Variants in CWC27 observed in about 807,000 individuals in gnomAD.
CWC27 encodes spliceosome-associated protein CWC27 homolog.
In CWC27, 47 loss-of-function variants were observed where a neutral mutation model predicts 63.6. The observed-to-expected ratio is 0.74, with a 90% CI of 0.58 to 0.94. The LOEUF (loss-of-function observed/expected upper bound fraction) is 0.94. Ranked by LOEUF, CWC27 falls within the 40% of genes least tolerant of loss-of-function variation. The probability of loss-of-function intolerance (pLI) is 0.00; values close to 1 mark genes in which losing one functional copy is unlikely to be tolerated. For missense variants in CWC27, 495 were observed against 554.3 expected (o/e 0.89, Z 1.07); for synonymous variants, 175 against 179.8 (o/e 0.97, Z 0.22).
intron 11 of CWC27, among the ~76,000 whole-genome samples, chr5:64,886,260 A>C (rs2112344882): frequency 6.6e-6 from 1 of 152,266 alleles, no homozygotes; most frequent in Middle Eastern, 3.4e-3. Flanking sequence ...GCTATAAAGC[A>C]TGTAATGTTC....
At chr5:64,867,949 CTGTTGT>C (rs879893810) in intron 10 of CWC27, among the ~76,000 whole-genome samples, 8 of 146,152 alleles carry the variant, frequency 5.5e-5, no homozygotes, top group African/African-American at 1.8e-4. Context: ...GGGGGGGGGG[CTGTTGT>C]TGTTGTTGTT....
intron 7 of CWC27, among the ~76,000 whole-genome samples, chr5:64,799,375 C>T (rs1476845173): frequency 6.6e-6 from 1 of 151,992 alleles, no homozygotes; most frequent in Non-Finnish European, 1.5e-5. Context: ...ATCATGAGGT[C>T]AGGAGATCAA....
At chr5:64,825,042 C>G (rs1314037409) in intron 10 of CWC27, among the ~76,000 whole-genome samples, 1 of 152,048 alleles carries the variant, frequency 6.6e-6, no homozygotes, top group Non-Finnish European at 1.5e-5. Flanking sequence ...AGTAAGTGTT[C>G]TTTTCTAATT....
At chr5:64,941,057 G>T (rs1165948755) in intron 11 of CWC27, among the ~76,000 whole-genome samples, 2 of 151,782 alleles carry the variant, frequency 1.3e-5, no homozygotes, top group Non-Finnish European at 2.9e-5. Flanking sequence ...TGTTGGCCAG[G>T]CTGGTCTTGA....
intron 10 of CWC27, among the ~76,000 whole-genome samples, chr5:64,814,464 G>A (rs528996233): frequency 6.6e-6 from 1 of 152,172 alleles, no homozygotes; most frequent in South Asian, 2.1e-4. Context: ...ATTCTACCTT[G>A]GGGTCAGACA....
At position 64,768,997 on chromosome 5, in the gene CWC27, T is replaced by G; in HGVS notation, c.-150T>G. The G allele has an allele frequency of 1.5e-6, 1 of 666,114 alleles. No individual in the cohort carries two copies. Among genetic ancestry groups the G allele is most frequent in the East Asian group, 2.7e-5 (1 of 37,402 alleles). The allele number at this position is 666,114 out of a possible 1,614,324, so 41.3% of individuals were successfully genotyped here. A position where few individuals can be genotyped will look rare whatever the true frequency, so the allele number is the denominator to read the frequency against. On this transcript the variant is annotated 5_prime_UTR_variant, in exon 1 of 14. Coordinates refer to ENST00000381070, the MANE Select transcript of CWC27 (RefSeq NM_005869.4). ...GGGCTCCTTTGGGCAGGGGTAGTGTTTGGTGTCCCTGTCTTGCGTGATATT... is the reference window on the plus strand; with the variant it reads ...GGGCTCCTTTGGGCAGGGGTAGTGTGTGGTGTCCCTGTCTTGCGTGATATT...
intron 10 of CWC27, among the ~76,000 whole-genome samples, chr5:64,874,501 C>T (rs528533828): frequency 5.3e-5 from 8 of 152,056 alleles, no homozygotes; most frequent in Middle Eastern, 3.4e-3. Flanking sequence ...CAGTCTTGCC[C>T]TGTCACCCAG....
chr5:64,954,630 T>G (rs1326437512), intron 11 of CWC27, among the ~76,000 whole-genome samples: 2 of 131,160 alleles, frequency 1.5e-5, no homozygotes, highest in Non-Finnish European at 3.0e-5. Context: ...CTTAGCAGGC[T>G]GCCTGGCATA....
chr5:64,826,184 A>T (rs1745354535), intron 10 of CWC27, among the ~76,000 whole-genome samples: 1 of 151,952 alleles, frequency 6.6e-6, no homozygotes. Context: ...GGACTGACAA[A>T]ATTGTGTTCT....
rs114694962 is a variant in CWC27, at chr5:64,891,221, A to T, written c.1042+5675A>T. On this transcript the variant is annotated intron_variant, in intron 11 of 13. Transcript: ENST00000381070. ...GGCAATGATTCCAACCTAATTAGTTAAAAAAATTAATCATTTTAATCAATT... is the reference window on the plus strand; with the variant it reads ...GGCAATGATTCCAACCTAATTAGTTTAAAAAATTAATCATTTTAATCAATT... Among the ~76,000 whole-genome samples, 1,290 of 152,232 alleles carry T rather than the reference A, an allele frequency of 8.5e-3. 19 individuals carry two copies. The highest frequency in any genetic ancestry group is 0.031 in the Middle Eastern group (9 of 294).
At chr5:65,013,277 T>C (rs1020931434) in intron 13 of CWC27, among the ~76,000 whole-genome samples, 2 of 152,160 alleles carry the variant, frequency 1.3e-5, no homozygotes, top group African/African-American at 4.8e-5. Context: ...CAGAATCTGG[T>C]AGATGTTTTA....
At chr5:64,814,132 G>A (rs1458379577) in intron 10 of CWC27, among the ~76,000 whole-genome samples, 1 of 149,758 alleles carries the variant, frequency 6.7e-6, no homozygotes, top group Non-Finnish European at 1.5e-5. Context: ...TATTTTATGT[G>A]TGCCCCAAGA....
At chr5:64,932,369 T>A (rs76998532) in intron 11 of CWC27, among the ~76,000 whole-genome samples, 1 of 152,090 alleles carries the variant, frequency 6.6e-6, no homozygotes, top group Non-Finnish European at 1.5e-5. Context: ...TTTTTTTTTT[T>A]AATTCTTAAC....
chr5:64,859,394 A>G (rs1338787711), intron 10 of CWC27, among the ~76,000 whole-genome samples: 1 of 152,174 alleles, frequency 6.6e-6, no homozygotes, highest in African/African-American at 2.4e-5. Flanking sequence ...GTTGAACTAT[A>G]TACACTCGAG....
chr5:64,993,264 G>A (rs1056945096), intron 13 of CWC27, among the ~76,000 whole-genome samples: 1 of 152,100 alleles, frequency 6.6e-6, no homozygotes, highest in Admixed American at 6.5e-5. Flanking sequence ...TACTCAAGCA[G>A]CACAAACTAA....
chr5:64,885,594 T>A, intron 11 of CWC27, 48 bp downstream of exon 11: 1 of 1,383,780 alleles, frequency 7.2e-7, no homozygotes. Flanking sequence ...CTCCTCCTTC[T>A]CTGTTTTCTT....
chr5:65,001,349 A>T (rs1749728794), intron 13 of CWC27, among the ~76,000 whole-genome samples: 1 of 152,136 alleles, frequency 6.6e-6, no homozygotes, highest in African/African-American at 2.4e-5. Flanking sequence ...GACTTCCAGT[A>T]CCATGTTGAA....
At position 64,782,447 on chromosome 5, in the gene CWC27, CAAATAAAT is replaced by C. The variant is rs67366377; in HGVS notation, c.252+443_252+450del. 5.4e-3 allele frequency among the ~76,000 whole-genome samples: 749 copies of C among 139,832 alleles called. 4 individuals carry two copies. The highest frequency in any genetic ancestry group is 0.018 in the African/African-American group (703 of 38,140). The allele number at this position is 139,832 out of a possible 152,430, so 91.7% of individuals were successfully genotyped here. A position where few individuals can be genotyped will look rare whatever the true frequency, so the allele number is the denominator to read the frequency against. ...TGGGCGACAGAGCGAGACTCCGTCT[CAAATAAAT>C]AAATAAATAAATAAATAAATAAATA... On this transcript the variant is annotated intron_variant, in intron 3 of 13. Coordinates refer to ENST00000381070, the MANE Select transcript of CWC27 (RefSeq NM_005869.4).
At chr5:64,849,132 G>T (rs1746065542) in intron 10 of CWC27, among the ~76,000 whole-genome samples, 1 of 150,858 alleles carries the variant, frequency 6.6e-6, no homozygotes, top group Non-Finnish European at 1.5e-5. Context: ...AAAGTTGCAG[G>T]ATACAAAATC....
Sources: gnomAD v4.1 joint callset for allele counts (sites outside exome capture counted in the v4.1 genomes callset) on GRCh38, gnomAD v4.1.1 for gene constraint, MANE v1.5 for transcripts, NCBI Gene and HGNC (gene_info 2026-07-23, HGNC 2026-07-21) for gene names.